FRMD4A: variants seen among roughly 807,000 people sequenced by gnomAD.
The protein encoded by FRMD4A is FERM domain containing 4A, also known as FERM domain-containing protein 4A.
FRMD4A carries 29 observed loss-of-function variants against 129.1 expected under a neutral mutation model. The ratio of observed to expected loss-of-function variants is 0.22; its 90% CI spans 0.17 to 0.31. FRMD4A has a LOEUF of 0.31. Ranked by LOEUF, FRMD4A falls within the 10% of genes least tolerant of loss-of-function variation. The probability of loss-of-function intolerance (pLI) is 1.00; values close to 1 mark genes in which losing one functional copy is unlikely to be tolerated. For synonymous variants in FRMD4A, 634 were observed against 571.6 expected (o/e 1.11, Z -1.56); for missense variants, 1,272 against 1,375.8 (o/e 0.92, Z 1.19).
intron 23 of FRMD4A, chr10:13,653,112 A>G (rs2081809745): frequency 6.6e-6 from 1 of 151,860 alleles, no homozygotes; most frequent in African/African-American, 2.4e-5. Context: ...GTGTGTTAGA[A>G]GCTGCTCGCA....
chr10:14,030,875 A>G (rs967837508), intron 2 of FRMD4A, among the ~76,000 whole-genome samples: 1 of 152,128 alleles, frequency 6.6e-6, no homozygotes, highest in South Asian at 2.1e-4. Flanking sequence ...CAAAGCCTCT[A>G]TTCCTCTGCA....
intron 2 of FRMD4A, among the ~76,000 whole-genome samples, chr10:14,092,790 G>A (rs1299316578): frequency 2.6e-5 from 4 of 152,220 alleles, no homozygotes; most frequent in Non-Finnish European, 5.9e-5. Context: ...GGACCAGGCT[G>A]GGATATAAAG....
intron 5 of FRMD4A, among the ~76,000 whole-genome samples, chr10:13,791,817 G>C (rs1456235592): frequency 1.3e-5 from 2 of 152,170 alleles, no homozygotes; most frequent in Admixed American, 1.3e-4. Context: ...TAAGTCTCGG[G>C]AGTGACACAG....
chr10:14,168,542 A>G (rs995569985), intron 2 of FRMD4A, among the ~76,000 whole-genome samples: 1 of 152,216 alleles, frequency 6.6e-6, no homozygotes, highest in Non-Finnish European at 1.5e-5. Context: ...ACCTCCCAGG[A>G]ATCTTGCAAG....
intron 2 of FRMD4A, among the ~76,000 whole-genome samples, chr10:13,959,365 G>C (rs2095431221): frequency 6.6e-6 from 1 of 150,652 alleles, no homozygotes; most frequent in South Asian, 2.1e-4. Context: ...CCAGCTACTT[G>C]GGAGGCTGAG....
chr10:13,838,687 T>C (rs1243121316), intron 3 of FRMD4A, among the ~76,000 whole-genome samples: 1 of 152,110 alleles, frequency 6.6e-6, no homozygotes, highest in Non-Finnish European at 1.5e-5. Context: ...GAGACGGGGT[T>C]TCACCATGTT....
Position 13,905,320 on chromosome 10 carries a change from T to TAAA in FRMD4A, c.46-46409_46-46408insTTT, listed in dbSNP as rs558613419. Among the ~76,000 whole-genome samples the TAAA allele has an allele frequency of 2.2e-4, 33 of 152,322 alleles. No homozygotes were observed. In the East Asian group the frequency reaches 6.4e-3, roughly 29 times the overall value. ...AGTCTCTCCTTTGTAAACTATGAAT[T>TAAA]GTTTTCATGTTGGCTCTTAGAGATC... On this transcript the variant is annotated intron_variant, in intron 2 of 24. Transcript: ENST00000357447.
At chr10:14,322,471 G>C (rs1843099605) in intron 2 of FRMD4A, among the ~76,000 whole-genome samples, 1 of 152,212 alleles carries the variant, frequency 6.6e-6, no homozygotes, top group Non-Finnish European at 1.5e-5. Context: ...CTAGGAGCTT[G>C]GGGCAAGGCC....
At chr10:13,785,217 T>C (rs1049735523) in intron 5 of FRMD4A, among the ~76,000 whole-genome samples, 10 of 152,218 alleles carry the variant, frequency 6.6e-5, no homozygotes, top group African/African-American at 2.4e-4. Flanking sequence ...TTTTTGAAAT[T>C]GGTGAGTGAA....
At chr10:13,692,250 G>A (rs2085781032) in intron 15 of FRMD4A, 1 of 143,694 alleles carries the variant, frequency 7.0e-6, no homozygotes, top group African/African-American at 2.6e-5. Flanking sequence ...CTGAGTTCAA[G>A]TGATTCTCCT....
chr10:13,755,813 T>C (rs1253230401), intron 8 of FRMD4A, among the ~76,000 whole-genome samples: 1 of 152,248 alleles, frequency 6.6e-6, no homozygotes, highest in African/African-American at 2.4e-5. Flanking sequence ...GACTGGCATT[T>C]CATCTTGTAG....
chr10:13,998,769 C>T lies in FRMD4A; in HGVS notation c.46-139857G>A, dbSNP rs186167989. 3.0e-4 allele frequency among the ~76,000 whole-genome samples: 46 copies of T among 152,284 alleles called. No homozygotes were observed. The East Asian group carries it at 7.0e-3, about 23-fold the overall frequency. On this transcript the variant is annotated intron_variant, in intron 2 of 24. Coordinates refer to ENST00000357447, the MANE Select transcript of FRMD4A (RefSeq NM_018027.5). ...CACTTCTCACCACCTCCAGGGTATC[C>T]GCTGGCCTAAATCATCATCATCTGT...
chr10:14,008,534 T>C (rs1160302499), intron 2 of FRMD4A: 17 of 989,902 alleles, frequency 1.7e-5, no homozygotes, highest in Non-Finnish European at 1.7e-5. Context: ...TGGCTGCAGA[T>C]GGTAATCAGG....
intron 2 of FRMD4A, among the ~76,000 whole-genome samples, chr10:13,889,053 G>A (rs183474401): frequency 2.0e-4 from 30 of 152,350 alleles, no homozygotes; most frequent in Admixed American, 7.8e-4. Flanking sequence ...CATGCTGCAC[G>A]CACGTGCGGA....
chr10:13,958,850 G>T (rs1465716523), intron 2 of FRMD4A, among the ~76,000 whole-genome samples: 1 of 152,150 alleles, frequency 6.6e-6, no homozygotes, highest in African/African-American at 2.4e-5. Context: ...CTCCCAAAGT[G>T]CTGGGATTAC....
rs1394512539 is a variant in FRMD4A at position 14,003,141 on chromosome 10, C to T, written c.46-144229G>A. Among the ~76,000 whole-genome samples, 6 of 152,130 alleles carry T rather than the reference C, an allele frequency of 3.9e-5. No individual in the cohort carries two copies. In the South Asian group the frequency reaches 1.0e-3, roughly 26 times the overall value. On this transcript the variant is annotated intron_variant, in intron 2 of 24. Transcript: ENST00000357447. ...GAATTGAGGGGAGCAAGACTGGCCA[C>T]GGCGAGAAGGCAACACGCAGGCAAG...
intron 2 of FRMD4A, among the ~76,000 whole-genome samples, chr10:13,992,288 T>C (rs1271960220): frequency 6.6e-6 from 1 of 152,240 alleles, no homozygotes; most frequent in Non-Finnish European, 1.5e-5. Context: ...TTGCTTTAAA[T>C]TGGTTTCTTC....
intron 2 of FRMD4A, among the ~76,000 whole-genome samples, chr10:14,209,502 T>C (rs1473585435): frequency 6.6e-6 from 1 of 151,876 alleles, no homozygotes; most frequent in Non-Finnish European, 1.5e-5. Flanking sequence ...TCCCAGCACT[T>C]TGAGGTCAGG....
chr10:13,958,508 C>A (rs896901888), intron 2 of FRMD4A, among the ~76,000 whole-genome samples: 1 of 151,886 alleles, frequency 6.6e-6, no homozygotes, highest in African/African-American at 2.4e-5. Flanking sequence ...TGGTCTTGAT[C>A]TCTTGACCTT....
Sources: allele counts gnomAD v4.1 joint callset (sites outside exome capture counted in the v4.1 genomes callset), GRCh38; gene constraint gnomAD v4.1.1; transcripts MANE v1.5; gene names NCBI Gene and HGNC (gene_info 2026-07-23, HGNC 2026-07-21).